The following DAAM2 variants were observed in gnomAD, a reference collection of about 807,000 sequenced individuals.
The protein encoded by DAAM2 is disheveled-associated activator of morphogenesis 2.
In DAAM2, 39 loss-of-function variants were observed where a neutral mutation model predicts 120.7. The ratio of observed to expected loss-of-function variants is 0.32; its 90% CI spans 0.25 to 0.42. The LOEUF (loss-of-function observed/expected upper bound fraction) is 0.42. Among genes scored for constraint, DAAM2 ranks in the 10% least tolerant of loss-of-function variants. The probability of loss-of-function intolerance (pLI) is 1.00; values close to 1 mark genes in which losing one functional copy is unlikely to be tolerated. For missense variants in DAAM2, 1,283 were observed against 1,401.7 expected (o/e 0.92, Z 1.35); for synonymous variants, 488 against 524.9 (o/e 0.93, Z 0.96).
chr6:39,819,410 C>A (rs1003068949), intron 1 of DAAM2: 2 of 152,326 alleles, frequency 1.3e-5, no homozygotes, highest in African/African-American at 4.8e-5. Flanking sequence ...TTTGACACAT[C>A]TAATGCCTAT....
intron 21 of DAAM2, 127 bp from the exon 22 acceptor site, chr6:39,898,750 G>C (rs1254789238): frequency 2.7e-5 from 21 of 775,348 alleles, no homozygotes; most frequent in Non-Finnish European, 2.9e-5. Context: ...GCCACACCAG[G>C]GCTGGAACCC....
chr6:39,879,605 C>A, intron 14 of DAAM2, 128 bp downstream of exon 14: 2 of 1,256,052 alleles, frequency 1.6e-6, no homozygotes, highest in Non-Finnish European at 2.3e-6. Flanking sequence ...TAAGGGCAGT[C>A]ATGTGGATGT....
In DAAM2 at chr6:39,902,051, C is replaced by A; in HGVS notation, c.*14C>A. On this transcript the variant is annotated 3_prime_UTR_variant, in exon 25 of 25. Coordinates refer to ENST00000274867, the MANE Select transcript of DAAM2 (RefSeq NM_001201427.2). The stretch of plus-strand genomic sequence containing the variant: ...CTAAATTATTGACCTGGGGAACTAG[C>A]CACACAGGAGGCCGGGAGACAGGGA... 1 of 1,585,618 alleles carries A rather than the reference C, an allele frequency of 6.3e-7. No individual in the cohort carries two copies.
intron 8 of DAAM2, among the ~76,000 whole-genome samples, chr6:39,870,813 A>G (rs766287931): frequency 1.9e-4 from 29 of 152,342 alleles, no homozygotes; most frequent in Admixed American, 3.3e-4. Context: ...CTTCCTGCTC[A>G]ACAAAGAAAT....
rs140752087 is a variant in DAAM2, at chr6:39,830,702, A to G, written c.-56-25545A>G. Among the ~76,000 whole-genome samples the G allele has an allele frequency of 4.3e-3, 657 of 152,178 alleles. 2 individuals carry two copies. Among genetic ancestry groups the G allele is most frequent in the African/African-American group, 0.015 (626 of 41,544 alleles). ...CCACCACTCTGCTCCTGCACTCCCA[A>G]ATGCTCCAGGCCCAGGCAGCAGGAG... is the stretch of plus-strand genomic sequence containing the variant. On this transcript the variant is annotated intron_variant, in intron 1 of 24. Transcript: ENST00000274867.
intron 1 of DAAM2, among the ~76,000 whole-genome samples, chr6:39,837,663 C>CACAA (rs1763157630): frequency 2.4e-5 from 1 of 41,202 alleles, no homozygotes; most frequent in Non-Finnish European, 4.2e-5. Flanking sequence ...AACTCCATCT[C>CACAA]AAAAAAAAAA....
At position 39,883,203 on chromosome 6, in the gene DAAM2, C is replaced by G. The variant is rs560860910; in HGVS notation, c.1846-759C>G. Among the ~76,000 whole-genome samples, 13 of 137,786 alleles carry G rather than the reference C, an allele frequency of 9.4e-5. No individual in the cohort carries two copies. The East Asian group carries it at 2.7e-3, about 29-fold the overall frequency. 90.4% of individuals were successfully genotyped at this position (137,786 alleles called of 152,430 possible). On this transcript the variant is annotated intron_variant, in intron 14 of 24. Coordinates refer to ENST00000274867, the MANE Select transcript of DAAM2 (RefSeq NM_001201427.2). ...CCAGGGCTTTTTTTTTTTTTTTTGG[C>G]TTGACTAACAGCCAGGATCCAGACC...
intron 1 of DAAM2, among the ~76,000 whole-genome samples, chr6:39,845,032 A>G (rs1231534007): frequency 6.8e-6 from 1 of 147,454 alleles, no homozygotes; most frequent in Non-Finnish European, 1.5e-5. Context: ...ACATATACAT[A>G]CACCACACAT....
At chr6:39,854,114 C>G (rs1582678411) in intron 1 of DAAM2, among the ~76,000 whole-genome samples, 1 of 152,210 alleles carries the variant, frequency 6.6e-6, no homozygotes, top group Non-Finnish European at 1.5e-5. Flanking sequence ...GATTGCTGTG[C>G]TAGCCTGCTG....
intron 3 of DAAM2, 86 bp from the exon 4 acceptor site, chr6:39,864,347 C>T (rs1188944654): frequency 1.9e-5 from 20 of 1,031,364 alleles, no homozygotes; most frequent in Non-Finnish European, 2.9e-5. Context: ...AAATGAATCC[C>T]TCTGCTGACA....
chr6:39,904,626 G>A lies in DAAM2; in HGVS notation c.*2589G>A, dbSNP rs1305274318. 1 of 454,156 alleles carries A rather than the reference G, an allele frequency of 2.2e-6. No homozygotes were observed. Among genetic ancestry groups the A allele is most frequent in the Admixed American group, 2.3e-5 (1 of 42,578 alleles). 28.1% of individuals were successfully genotyped at this position (454,156 alleles called of 1,614,324 possible). A position where few individuals can be genotyped will look rare whatever the true frequency, so the allele number is the denominator to read the frequency against. On this transcript the variant is annotated 3_prime_UTR_variant, in exon 25 of 25. Transcript: ENST00000274867. ...GGAGGAGAAAATTCTCCAGGTGAAT[G>A]GGGAAGGGTCTGTTCCAGCCTCTCC...
intron 1 of DAAM2, among the ~76,000 whole-genome samples, chr6:39,843,092 A>G (rs903506960): frequency 1.3e-5 from 2 of 152,154 alleles, no homozygotes; most frequent in Non-Finnish European, 2.9e-5. Flanking sequence ...CCAATTTTTA[A>G]AAACTTTATT....
chr6:39,846,011 G>A (rs546472489), intron 1 of DAAM2, among the ~76,000 whole-genome samples: 1 of 152,256 alleles, frequency 6.6e-6, no homozygotes, highest in South Asian at 2.1e-4. Flanking sequence ...GTCTCAGCAC[G>A]GGATCACGTG....
intron 1 of DAAM2, among the ~76,000 whole-genome samples, chr6:39,806,230 A>C (rs1370106266): frequency 1.3e-5 from 2 of 152,342 alleles, no homozygotes; most frequent in East Asian, 3.9e-4. Flanking sequence ...TATTTGAAAA[A>C]TATCTTAGGA....
At chr6:39,843,719 G>A (rs1484459228) in intron 1 of DAAM2, among the ~76,000 whole-genome samples, 3 of 152,232 alleles carry the variant, frequency 2.0e-5, no homozygotes, top group Non-Finnish European at 4.4e-5. Flanking sequence ...GGGACAGCCT[G>A]GACCTTTCTG....
intron 1 of DAAM2, among the ~76,000 whole-genome samples, chr6:39,829,700 C>A (rs140493524): frequency 9.9e-5 from 15 of 152,256 alleles, no homozygotes; most frequent in African/African-American, 3.4e-4. Context: ...CTACTCAGTG[C>A]CTGCCATATA....
Position 39,850,888 on chromosome 6 carries a change from C to T in DAAM2, c.-56-5359C>T, listed in dbSNP as rs557685505. Among the ~76,000 whole-genome samples the T allele has an allele frequency of 5.9e-5, 9 of 152,258 alleles. 1 individual carries two copies. The highest frequency in any genetic ancestry group is 1.0e-4 in the Non-Finnish European group (7 of 68,020). ...AATGTCCCAAAGCAATAGCATTTTC[C>T]GCAAGAGCTAGAGGAGGGGCTCATG... is the stretch of plus-strand genomic sequence containing the variant. On this transcript the variant is annotated intron_variant, in intron 1 of 24. Transcript: ENST00000274867.
chr6:39,891,895 C>T (rs544676740), intron 19 of DAAM2, 173 bp downstream of exon 19: 8 of 616,748 alleles, frequency 1.3e-5, no homozygotes, highest in South Asian at 1.0e-4. Flanking sequence ...AAAATATGCA[C>T]TTGCTTATAT....
chr6:39,880,619 G>T (rs1425598336), intron 14 of DAAM2, among the ~76,000 whole-genome samples: 1 of 152,000 alleles, frequency 6.6e-6, no homozygotes, highest in Non-Finnish European at 1.5e-5. Flanking sequence ...AGCTTTAGCG[G>T]TACAACCTCT....
Sources: gnomAD v4.1 joint callset for allele counts (sites outside exome capture counted in the v4.1 genomes callset) on GRCh38, gnomAD v4.1.1 for gene constraint, MANE v1.5 for transcripts, NCBI Gene and HGNC (gene_info 2026-07-23, HGNC 2026-07-21) for gene names.